The following KCNJ16 variants were observed in gnomAD, a reference collection of about 807,000 sequenced individuals.
The protein encoded by KCNJ16 is inward rectifier potassium channel 16.
In KCNJ16, 15 loss-of-function variants were observed where a neutral mutation model predicts 18.5. That is an observed-to-expected ratio of 0.81 (90% CI 0.54 to 1.25). KCNJ16 has a LOEUF of 1.25. KCNJ16 is among the 50% of genes most tolerant of loss of function. KCNJ16 has a pLI of 0.00. For synonymous variants in KCNJ16, 174 were observed against 186.5 expected (o/e 0.93, Z 0.55); for missense variants, 523 against 525.7 (o/e 0.99, Z 0.05).
At chr17:70,110,464 C>T (rs897953284) in intron 2 of KCNJ16, among the ~76,000 whole-genome samples, 3 of 141,418 alleles carry the variant, frequency 2.1e-5, no homozygotes, top group Non-Finnish European at 4.7e-5. Context: ...GACTTACACA[C>T]CTACACACTT....
intron 1 of KCNJ16, among the ~76,000 whole-genome samples, chr17:70,084,098 G>A (rs1217609369): frequency 2.6e-5 from 4 of 152,222 alleles, no homozygotes; most frequent in Non-Finnish European, 5.9e-5. Context: ...CAGTATATCA[G>A]TGACAACCTG....
chr17:70,125,806 C>T (rs2073833935), intron 2 of KCNJ16, among the ~76,000 whole-genome samples: 1 of 151,984 alleles, frequency 6.6e-6, no homozygotes, highest in Non-Finnish European at 1.5e-5. Flanking sequence ...CTGGCAGGCA[C>T]TTGTAGTCTC....
At chr17:70,121,768 T>C (rs2073649134) in intron 2 of KCNJ16, among the ~76,000 whole-genome samples, 1 of 151,962 alleles carries the variant, frequency 6.6e-6, no homozygotes, top group South Asian at 2.1e-4. Context: ...CTAGTGAACA[T>C]TTTGCTGCTT....
intron 1 of KCNJ16, among the ~76,000 whole-genome samples, chr17:70,087,416 A>T (rs2143648145): frequency 6.6e-6 from 1 of 152,160 alleles, no homozygotes; most frequent in Non-Finnish European, 1.5e-5. Flanking sequence ...AAAAATCTTA[A>T]GGAGGCCAGG....
intron 2 of KCNJ16, among the ~76,000 whole-genome samples, chr17:70,109,497 A>G (rs2073090819): frequency 6.6e-6 from 1 of 152,112 alleles, no homozygotes; most frequent in African/African-American, 2.4e-5. Context: ...CTACATAAAT[A>G]TCTACATACT....
At chr17:70,083,388 G>T (rs2143590998) in intron 1 of KCNJ16, among the ~76,000 whole-genome samples, 1 of 151,328 alleles carries the variant, frequency 6.6e-6, no homozygotes, top group East Asian at 1.9e-4. Flanking sequence ...TACACATATG[G>T]ATGTGTATAG....
At chr17:70,080,606 T>C (rs1210945896) in intron 1 of KCNJ16, among the ~76,000 whole-genome samples, 2 of 152,040 alleles carry the variant, frequency 1.3e-5, no homozygotes, top group African/African-American at 2.4e-5. Flanking sequence ...ATGGAAAATT[T>C]TGAGAAGTAC....
chr17:70,089,990 A>T (rs1056326263), intron 1 of KCNJ16, among the ~76,000 whole-genome samples: 1 of 152,204 alleles, frequency 6.6e-6, no homozygotes, highest in Non-Finnish European at 1.5e-5. Flanking sequence ...ACTTCCATCC[A>T]GCCTCAACTG....
At chr17:70,089,965 A>C (rs367990199) in intron 1 of KCNJ16, among the ~76,000 whole-genome samples, 12 of 152,356 alleles carry the variant, frequency 7.9e-5, no homozygotes, top group African/African-American at 2.9e-4. Flanking sequence ...CTCGACAGGG[A>C]AACTGGTGTA....
At chr17:70,131,434 G>A (rs931162891) in intron 3 of KCNJ16, 95 of 1,001,026 alleles carry the variant, frequency 9.5e-5, no homozygotes, top group Non-Finnish European at 1.1e-4. Flanking sequence ...AAGTATACAA[G>A]GAAGAAAAGC....
At chr17:70,098,130 G>A (rs1013137006) in intron 1 of KCNJ16, among the ~76,000 whole-genome samples, 1 of 152,112 alleles carries the variant, frequency 6.6e-6, no homozygotes, top group African/African-American at 2.4e-5. Context: ...ATGCAGCCAA[G>A]TAATAATTTA....
At chr17:70,081,034 AAT>A (rs1178566218) in intron 1 of KCNJ16, among the ~76,000 whole-genome samples, 1 of 152,186 alleles carries the variant, frequency 6.6e-6, no homozygotes, top group African/African-American at 2.4e-5. Flanking sequence ...GTGTTCTTGT[AAT>A]ATGTTATTGA....
intron 1 of KCNJ16, among the ~76,000 whole-genome samples, chr17:70,079,144 G>A (rs2071440845): frequency 6.6e-6 from 1 of 152,210 alleles, no homozygotes; most frequent in Admixed American, 6.5e-5. Flanking sequence ...TGGCAAGTAT[G>A]AAATCTGTAG....
intron 1 of KCNJ16, among the ~76,000 whole-genome samples, chr17:70,091,832 GC>G (rs1176823834): frequency 6.6e-6 from 1 of 152,028 alleles, no homozygotes; most frequent in Admixed American, 6.6e-5. Flanking sequence ...TATTTCCAGG[GC>G]AATATTTACA....
At chr17:70,111,705 T>C (rs28522094) in intron 2 of KCNJ16, among the ~76,000 whole-genome samples, 10,627 of 152,036 alleles carry the variant, frequency 0.07, 1,134 homozygotes, top group African/African-American at 0.23. Context: ...TGGGAGATAA[T>C]TGAATCATGG....
intron 1 of KCNJ16, among the ~76,000 whole-genome samples, chr17:70,099,999 A>G (rs1245723695): frequency 1.3e-5 from 2 of 152,152 alleles, no homozygotes; most frequent in Non-Finnish European, 2.9e-5. Context: ...AATCATAAGT[A>G]GTGTGAGAGA....
intron 1 of KCNJ16, among the ~76,000 whole-genome samples, chr17:70,082,093 C>T (rs536869486): frequency 7.7e-4 from 118 of 152,290 alleles, no homozygotes; most frequent in African/African-American, 2.7e-3. Flanking sequence ...AGTCCATCAG[C>T]TCCCTGACAT....
chr17:70,127,038 T>C (rs1442704029), intron 2 of KCNJ16, among the ~76,000 whole-genome samples: 2 of 152,186 alleles, frequency 1.3e-5, no homozygotes, highest in South Asian at 4.1e-4. Context: ...TCATAACATA[T>C]TATAACCCCT....
At position 70,103,251 on chromosome 17, in the gene KCNJ16, A is replaced by G. The variant is rs970648071; in HGVS notation, c.-191+2485A>G. Among the ~76,000 whole-genome samples the G allele has an allele frequency of 1.3e-4, 17 of 132,686 alleles. No homozygotes were observed. The East Asian group carries it at 2.7e-3, about 21-fold the overall frequency. 87.0% of individuals were successfully genotyped at this position (132,686 alleles called of 152,430 possible). The stretch of plus-strand genomic sequence containing the variant: ...GTATTATATATTTATGTGTATATAT[A>G]TATTTATGTGTATATGTGTATATAA... On this transcript the variant is annotated intron_variant, in intron 2 of 3. Coordinates refer to ENST00000392671, the MANE Select transcript of KCNJ16 (RefSeq NM_170741.4).
Sources: allele counts gnomAD v4.1 joint callset (sites outside exome capture counted in the v4.1 genomes callset), GRCh38; gene constraint gnomAD v4.1.1; transcripts MANE v1.5; gene names NCBI Gene and HGNC (gene_info 2026-07-23, HGNC 2026-07-21).